The following STK32B variants were observed in gnomAD, a reference collection of about 807,000 sequenced individuals.
The protein encoded by STK32B is serine/threonine kinase 32B.
In STK32B, 43 loss-of-function variants were observed where a neutral mutation model predicts 52.6. The observed-to-expected ratio is 0.82, with a 90% CI of 0.64 to 1.05. The LOEUF (loss-of-function observed/expected upper bound fraction) is 1.05, where lower values mean the gene tolerates loss of function less well. STK32B is among the 50% of genes least tolerant of loss of function. The pLI, the probability that STK32B is intolerant of heterozygous loss-of-function variation, is 0.00. For missense variants in STK32B, 621 were observed against 534.6 expected (o/e 1.16, Z -1.59); for synonymous variants, 238 against 204.3 (o/e 1.17, Z -1.41).
intron 2 of STK32B, among the ~76,000 whole-genome samples, chr4:5,165,663 C>T (rs557003797): frequency 6.6e-6 from 1 of 152,264 alleles, no homozygotes; most frequent in Admixed American, 6.5e-5. Context: ...AGACATGGGT[C>T]TCAGAGCCTG....
chr4:5,343,556 C>G (rs1733245471), intron 4 of STK32B, among the ~76,000 whole-genome samples: 1 of 152,124 alleles, frequency 6.6e-6, no homozygotes. Context: ...AACTAGTTTA[C>G]ACTCCCACCA....
chr4:5,250,458 A>T (rs910845392), intron 3 of STK32B, among the ~76,000 whole-genome samples: 2 of 151,904 alleles, frequency 1.3e-5, no homozygotes, highest in Non-Finnish European at 2.9e-5. Context: ...GATTACATGC[A>T]TGTATCACTA....
the STK32B span, among the ~76,000 whole-genome samples, chr4:5,022,474 G>A: frequency 6.6e-6 from 1 of 152,280 alleles, no homozygotes; most frequent in South Asian, 2.1e-4. Flanking sequence ...CCTTCACCAC[G>A]AATCACCTGC....
intron 6 of STK32B, among the ~76,000 whole-genome samples, chr4:5,436,104 G>A (rs548326677): frequency 6.6e-6 from 1 of 152,302 alleles, no homozygotes; most frequent in African/African-American, 2.4e-5. Context: ...GTGCTGGGCC[G>A]TGGATTTGAA....
chr4:5,361,768 A>G (rs866417327), intron 4 of STK32B, among the ~76,000 whole-genome samples: 1 of 152,256 alleles, frequency 6.6e-6, no homozygotes, highest in Non-Finnish European at 1.5e-5. Context: ...ATTTTATTAT[A>G]TAGGCCATGG....
At chr4:5,446,550 C>CT in intron 6 of STK32B, 123 bp from the exon 7 acceptor site, 2 of 806,980 alleles carry the variant, frequency 2.5e-6, no homozygotes, top group Non-Finnish European at 3.9e-6. Context: ...GAGCAAAACT[C>CT]TATCTCAAAA....
Position 5,300,984 on chromosome 4 carries a change from TATC to T in STK32B, c.261-30233_261-30231del, listed in dbSNP as rs1729515627. On this transcript the variant is annotated intron_variant, in intron 3 of 11. Coordinates refer to ENST00000282908, the MANE Select transcript of STK32B (RefSeq NM_018401.3). ...CTATTCCTAGTTTGTTGAATATTTT[TATC>T]ATGAAAGGGTACCAAATTTTATCAA... 6.6e-5 allele frequency among the ~76,000 whole-genome samples: 10 copies of T among 152,310 alleles called. No individual in the cohort carries two copies. The South Asian group carries it at 1.9e-3, about 28-fold the overall frequency.
chr4:5,418,722 G>T (rs1019301420), intron 6 of STK32B, among the ~76,000 whole-genome samples: 2 of 152,220 alleles, frequency 1.3e-5, no homozygotes, highest in Non-Finnish European at 2.9e-5. Context: ...AAAATGCCCT[G>T]TTCCCAGTTT....
At chr4:5,372,340 C>G (rs2109013463) in intron 4 of STK32B, among the ~76,000 whole-genome samples, 1 of 152,312 alleles carries the variant, frequency 6.6e-6, no homozygotes, top group South Asian at 2.1e-4. Context: ...GTCCTGCCAT[C>G]TCTGTCCAGC....
At chr4:5,494,481 G>C (rs1334112079) in intron 11 of STK32B, among the ~76,000 whole-genome samples, 1 of 152,130 alleles carries the variant, frequency 6.6e-6, no homozygotes, top group African/African-American at 2.4e-5. Context: ...CTGCACATGA[G>C]ATGGGTTTCC....
At chr4:5,344,889 C>T (rs1246157887) in intron 4 of STK32B, among the ~76,000 whole-genome samples, 1 of 151,998 alleles carries the variant, frequency 6.6e-6, no homozygotes, top group Non-Finnish European at 1.5e-5. Flanking sequence ...AAGTTCAAGA[C>T]CAGCCTGGGC....
In STK32B at chr4:5,499,038, C is replaced by T; in HGVS notation, c.1200C>T (p.Asn400=). The T allele has an allele frequency of 6.2e-7, 1 of 1,613,828 alleles. No individual in the cohort carries two copies. The highest frequency in any genetic ancestry group is 8.5e-7 in the Non-Finnish European group (1 of 1,179,816). ...QAQSKLQDGC[N]NNLLTHTCTR... is the part of the protein sequence containing the mutation. ...AAAGCAAGCTCCAGGACGGGTGCAA[C>T]AACAACCTCCTCACCCACACCTGCA... Residue 400 remains asparagine, a synonymous_variant, in exon 12 of 12, where the codon AAC becomes AAT. Coordinates refer to ENST00000282908, the MANE Select transcript of STK32B (RefSeq NM_018401.3).
At position 5,168,448 on chromosome 4, in the gene STK32B, G is replaced by A. The variant is rs547610851; in HGVS notation, c.258G>A (p.Leu86=). 138 of 1,612,206 alleles carry A rather than the reference G, an allele frequency of 8.6e-5. 1 individual carries two copies. In the South Asian group the frequency reaches 1.4e-3, roughly 17 times the overall value. Residue 86 remains leucine, a splice_region_variant and synonymous_variant, in exon 3 of 12, where the codon CTG becomes CTA. Coordinates refer to ENST00000282908, the MANE Select transcript of STK32B (RefSeq NM_018401.3). ...TGGAGCACCCCTTCCTGGTCAATCT[G>A]TGGTGAGTGTGGCTCCATCCAGGGC... ...QGLEHPFLVN[L]WYSFQDEEDM...
chr4:5,203,536 T>C (rs1722320560), intron 3 of STK32B, among the ~76,000 whole-genome samples: 1 of 152,158 alleles, frequency 6.6e-6, no homozygotes, highest in Non-Finnish European at 1.5e-5. Context: ...CTGCTGTGAC[T>C]GTACAGGGGT....
chr4:5,303,140 ATG>A (rs372670523), intron 3 of STK32B, among the ~76,000 whole-genome samples: 2 of 131,014 alleles, frequency 1.5e-5, no homozygotes, highest in African/African-American at 7.1e-5. Flanking sequence ...TGCCGTAAAC[ATG>A]TGTGTGCAGG....
At chr4:5,144,141 A>G (rs535090690) in intron 2 of STK32B, among the ~76,000 whole-genome samples, 1 of 152,338 alleles carries the variant, frequency 6.6e-6, no homozygotes, top group African/African-American at 2.4e-5. Context: ...CAGCTCAGCA[A>G]GTGTTGATGA....
intron 3 of STK32B, among the ~76,000 whole-genome samples, chr4:5,219,705 C>T (rs536409840): frequency 6.6e-5 from 10 of 152,334 alleles, no homozygotes; most frequent in African/African-American, 1.2e-4. Flanking sequence ...CACTTGACTG[C>T]GTACTTGTCA....
chr4:5,233,826 C>A (rs1724437408), intron 3 of STK32B, among the ~76,000 whole-genome samples: 1 of 151,664 alleles, frequency 6.6e-6, no homozygotes, highest in Non-Finnish European at 1.5e-5. Flanking sequence ...GTGGCAGAAA[C>A]AAGAAGTCAT....
intron 3 of STK32B, among the ~76,000 whole-genome samples, chr4:5,230,275 C>T (rs796760413): frequency 6.1e-5 from 9 of 146,460 alleles, no homozygotes; most frequent in Admixed American, 1.4e-4. Context: ...CTGCAACCTC[C>T]GCCTTCTGGG....
Sources: allele counts gnomAD v4.1 joint callset (sites outside exome capture counted in the v4.1 genomes callset), GRCh38; gene constraint gnomAD v4.1.1; transcripts MANE v1.5; gene names NCBI Gene and HGNC (gene_info 2026-07-23, HGNC 2026-07-21).